Variants in RBM20 observed in about 807,000 individuals in gnomAD.
RBM20 encodes the protein RNA-binding protein 20.
In RBM20, 51 loss-of-function variants were observed where a neutral mutation model predicts 110.1. The ratio of observed to expected loss-of-function variants is 0.46; its 90% CI spans 0.37 to 0.59. The LOEUF (loss-of-function observed/expected upper bound fraction) is 0.59. Among genes scored for constraint, RBM20 ranks in the 20% least tolerant of loss-of-function variants. The pLI is 0.00. For missense variants in RBM20, 1,512 were observed against 1,574.9 expected, an observed-to-expected ratio of 0.96 and a Z score of 0.68; for synonymous variants, 589 against 618.2, an observed-to-expected ratio of 0.95 and a Z score of 0.70.
At chr10:110,806,060 G>A (rs1844690442) in intron 7 of RBM20, among the ~76,000 whole-genome samples, 1 of 152,102 alleles carries the variant, frequency 6.6e-6, no homozygotes. Flanking sequence ...ATCACTTGAG[G>A]TCAGGGGTTC....
At chr10:110,714,239 G>A (rs910037387) in intron 1 of RBM20, among the ~76,000 whole-genome samples, 1 of 152,246 alleles carries the variant, frequency 6.6e-6, no homozygotes, top group African/African-American at 2.4e-5. Flanking sequence ...CATGAACCTG[G>A]GTCTTGCCCA....
intron 1 of RBM20, among the ~76,000 whole-genome samples, chr10:110,706,080 C>T (rs1256104042): frequency 7.1e-6 from 1 of 141,366 alleles, no homozygotes; most frequent in Admixed American, 7.1e-5. Flanking sequence ...GACTCCATCT[C>T]AAAAAAAAAA....
intron 9 of RBM20, among the ~76,000 whole-genome samples, chr10:110,815,323 C>T (rs1351105210): frequency 1.3e-5 from 2 of 152,146 alleles, no homozygotes; most frequent in Admixed American, 6.6e-5. Flanking sequence ...ACCCAGTAGT[C>T]TTTTTTTGCC....
intron 1 of RBM20, among the ~76,000 whole-genome samples, chr10:110,763,980 G>C (rs574556378): frequency 2.0e-5 from 3 of 152,204 alleles, no homozygotes; most frequent in African/African-American, 7.2e-5. Context: ...ACAACAAACT[G>C]TTTCCAGCAT....
chr10:110,735,703 C>T (rs371851517), intron 1 of RBM20, among the ~76,000 whole-genome samples: 10 of 152,290 alleles, frequency 6.6e-5, no homozygotes, highest in South Asian at 2.1e-4. Flanking sequence ...AGTCATCTAG[C>T]GCATGAGCAT....
At chr10:110,778,089 G>T (rs935634230) in intron 1 of RBM20, among the ~76,000 whole-genome samples, 19 of 152,278 alleles carry the variant, frequency 1.2e-4, no homozygotes, top group East Asian at 3.9e-4. Flanking sequence ...TGCTGCTGTT[G>T]AATTTGTGCT....
At chr10:110,724,227 C>A (rs558644068) in intron 1 of RBM20, among the ~76,000 whole-genome samples, 4 of 152,130 alleles carry the variant, frequency 2.6e-5, no homozygotes, top group African/African-American at 9.7e-5. Context: ...AATGACCAAA[C>A]AAAACAAAAC....
At chr10:110,743,475 G>T (rs1172187597) in intron 1 of RBM20, among the ~76,000 whole-genome samples, 1 of 151,970 alleles carries the variant, frequency 6.6e-6, no homozygotes, top group Non-Finnish European at 1.5e-5. Flanking sequence ...GGTTTTAATG[G>T]TCAACTTTAG....
At chr10:110,760,423 A>ATTT (rs1400720868) in intron 1 of RBM20, among the ~76,000 whole-genome samples, 1 of 83,324 alleles carries the variant, frequency 1.2e-5, no homozygotes, top group African/African-American at 4.1e-5. Flanking sequence ...GAATTCCATC[A>ATTT]TCTTTTTTTT....
chr10:110,675,702 G>C (rs1483612402), intron 1 of RBM20, among the ~76,000 whole-genome samples: 1 of 152,158 alleles, frequency 6.6e-6, no homozygotes, highest in African/African-American at 2.4e-5. Context: ...TTCTAAGGGA[G>C]CCCCGCCTTT....
At chr10:110,691,111 T>C (rs1189355678) in intron 1 of RBM20, among the ~76,000 whole-genome samples, 3 of 152,192 alleles carry the variant, frequency 2.0e-5, no homozygotes, top group African/African-American at 7.2e-5. Flanking sequence ...AAGAGCTTGC[T>C]CTTGCTCTTG....
intron 1 of RBM20, among the ~76,000 whole-genome samples, chr10:110,750,598 T>A (rs1036113969): frequency 1.3e-5 from 2 of 152,232 alleles, no homozygotes; most frequent in African/African-American, 4.8e-5. Context: ...GACCTCTTAA[T>A]TCATAGATGC....
At chr10:110,685,515 G>T (rs1018181484) in intron 1 of RBM20, among the ~76,000 whole-genome samples, 1 of 152,162 alleles carries the variant, frequency 6.6e-6, no homozygotes, top group African/African-American at 2.4e-5. Context: ...ACGATGGAAT[G>T]TATTTTTCTT....
chr10:110,678,022 A>C (rs1862364775), intron 1 of RBM20, among the ~76,000 whole-genome samples: 1 of 152,228 alleles, frequency 6.6e-6, no homozygotes. Context: ...TGATGAATGG[A>C]ATAGGTAATT....
intron 12 of RBM20, among the ~76,000 whole-genome samples, chr10:110,824,287 A>C (rs1771915235): frequency 6.6e-6 from 1 of 152,234 alleles, no homozygotes; most frequent in Non-Finnish European, 1.5e-5. Context: ...TAAAGTCAAC[A>C]AAAATGAACT....
intron 5 of RBM20, among the ~76,000 whole-genome samples, chr10:110,786,369 G>T (rs1844418886): frequency 6.6e-6 from 1 of 152,238 alleles, no homozygotes. Flanking sequence ...GCATTGCAAA[G>T]CATCAGGCCA....
intron 5 of RBM20, among the ~76,000 whole-genome samples, chr10:110,796,724 G>C (rs769722930): frequency 2.0e-5 from 3 of 152,190 alleles, no homozygotes; most frequent in Non-Finnish European, 4.4e-5. Flanking sequence ...CTGCATTCTA[G>C]TCTGAGTGGT....
chr10:110,733,926 G>A (rs1184671369), intron 1 of RBM20, among the ~76,000 whole-genome samples: 1 of 152,180 alleles, frequency 6.6e-6, no homozygotes, highest in African/African-American at 2.4e-5. Flanking sequence ...GCTTGTGTGG[G>A]TGTGATGTTT....
At chr10:110,814,360 C>T (rs1313300452) in intron 9 of RBM20, among the ~76,000 whole-genome samples, 1 of 147,806 alleles carries the variant, frequency 6.8e-6, no homozygotes, top group Middle Eastern at 3.4e-3. Context: ...CAATGGGACT[C>T]ATGCCAGCAT....
Sources: allele counts gnomAD v4.1 joint callset (sites outside exome capture counted in the v4.1 genomes callset), GRCh38; gene constraint gnomAD v4.1.1; transcripts MANE v1.5; gene names NCBI Gene and HGNC (gene_info 2026-07-23, HGNC 2026-07-21).